LUZP2: variants seen among roughly 807,000 people sequenced by gnomAD.
LUZP2 encodes leucine zipper protein 2.
In LUZP2, 52 loss-of-function variants were observed where a neutral mutation model predicts 51.6. That is an observed-to-expected ratio of 1.01 (90% CI 0.81 to 1.27). LUZP2 has a LOEUF of 1.27. Among genes scored for constraint, LUZP2 ranks in the 50% most tolerant of loss-of-function variants. The pLI is 0.00. For missense variants in LUZP2, 436 were observed against 395.4 expected (o/e 1.10, Z -0.87); for synonymous variants, 154 against 137.3 (o/e 1.12, Z -0.85).
chr11:24,978,543 C>T (rs1855940880), intron 8 of LUZP2, among the ~76,000 whole-genome samples: 1 of 151,776 alleles, frequency 6.6e-6, no homozygotes, highest in Admixed American at 6.6e-5. Context: ...TTTGACTTCA[C>T]ATAATCCTTT....
At chr11:25,041,521 T>C (rs1054304098) in intron 9 of LUZP2, among the ~76,000 whole-genome samples, 9 of 152,302 alleles carry the variant, frequency 5.9e-5, no homozygotes, top group African/African-American at 2.2e-4. Flanking sequence ...TCTCATTCTG[T>C]TTTAAGACAA....
chr11:24,611,298 T>G lies in LUZP2; in HGVS notation c.62+113993T>G, dbSNP rs1488424451. On this transcript the variant is annotated intron_variant, in intron 1 of 11. Coordinates refer to ENST00000336930, the MANE Select transcript of LUZP2 (RefSeq NM_001009909.4). This position sits in a 1 kb window ranked among gnomAD's most constrained non-coding sequence, Gnocchi z 4.6. ...TAAGGGAGCAAAATAATAACAAAAA[T>G]GCTTCTACAGTCCATTATTCAAAAG... is the stretch of plus-strand genomic sequence containing the variant. Among the ~76,000 whole-genome samples the G allele has an allele frequency of 6.6e-6, 1 of 152,146 alleles. No individual in the cohort carries two copies. The highest frequency in any genetic ancestry group is 1.5e-5 in the Non-Finnish European group (1 of 68,016).
intron 1 of LUZP2, among the ~76,000 whole-genome samples, chr11:24,571,361 G>T (rs978169729): frequency 7.2e-6 from 1 of 139,656 alleles, no homozygotes; most frequent in Non-Finnish European, 1.6e-5. Context: ...TTTTCCTCTG[G>T]TGAATACATT....
At chr11:24,826,034 G>A (rs994775938) in intron 5 of LUZP2, among the ~76,000 whole-genome samples, 1 of 150,958 alleles carries the variant, frequency 6.6e-6, no homozygotes, top group Admixed American at 6.6e-5. Flanking sequence ...TTAGCTGGGC[G>A]CGGTGGCGGG....
At chr11:24,644,135 C>T (rs1239171277) in intron 1 of LUZP2, among the ~76,000 whole-genome samples, 1 of 152,162 alleles carries the variant, frequency 6.6e-6, no homozygotes, top group Non-Finnish European at 1.5e-5. Context: ...CTGCTGTCTT[C>T]CATTGAACGT....
chr11:24,538,859 A>T (rs974969198), intron 1 of LUZP2, among the ~76,000 whole-genome samples: 2 of 151,876 alleles, frequency 1.3e-5, no homozygotes, highest in Admixed American at 6.6e-5. Flanking sequence ...TTCAAAGGAC[A>T]TAACAATTTC....
At chr11:25,025,526 C>G (rs559793431) in intron 9 of LUZP2, among the ~76,000 whole-genome samples, 19 of 152,176 alleles carry the variant, frequency 1.2e-4, no homozygotes, top group South Asian at 4.1e-4. Context: ...ATTTATTCAC[C>G]CAACAGACAC....
chr11:24,910,826 G>A (rs143201641), intron 6 of LUZP2, among the ~76,000 whole-genome samples: 272 of 152,242 alleles, frequency 1.8e-3, no homozygotes, highest in Non-Finnish European at 3.2e-3. Context: ...GAGAGCCACC[G>A]TCCTCCAGAC....
intron 7 of LUZP2, among the ~76,000 whole-genome samples, chr11:24,926,243 GTA>G (rs1314392077): frequency 4.2e-5 from 6 of 143,432 alleles, no homozygotes; most frequent in African/African-American, 1.3e-4. Flanking sequence ...ATATGTGTGT[GTA>G]TATATATACG....
intron 1 of LUZP2, among the ~76,000 whole-genome samples, chr11:24,535,823 A>G (rs1421993222): frequency 1.3e-5 from 2 of 151,690 alleles, no homozygotes; most frequent in East Asian, 3.9e-4. Context: ...CAGAATGGTG[A>G]ATCCTTTCGA....
At chr11:24,813,306 C>T (rs1850075163) in intron 5 of LUZP2, among the ~76,000 whole-genome samples, 1 of 152,140 alleles carries the variant, frequency 6.6e-6, no homozygotes, top group Non-Finnish European at 1.5e-5. Flanking sequence ...GCTGTTGTTG[C>T]ATTGCTGTAA....
At chr11:24,604,968 C>T (rs1021400890) in intron 1 of LUZP2, among the ~76,000 whole-genome samples, 3 of 151,604 alleles carry the variant, frequency 2.0e-5, no homozygotes, top group Non-Finnish European at 4.4e-5. Context: ...TATAGAAATT[C>T]CATCATGATC....
chr11:24,806,695 A>G (rs12800427), intron 5 of LUZP2, among the ~76,000 whole-genome samples: 8,184 of 152,192 alleles, frequency 0.054, 291 homozygotes, highest in Middle Eastern at 0.085. Context: ...CCTGTTGATA[A>G]AGTTCTCCTG....
intron 9 of LUZP2, among the ~76,000 whole-genome samples, chr11:25,013,470 GC>G (rs1857038494): frequency 6.6e-6 from 1 of 152,038 alleles, no homozygotes; most frequent in African/African-American, 2.4e-5. Flanking sequence ...GCCTACACTA[GC>G]TTACCCATAT....
chr11:25,006,599 C>T (rs571574229), intron 9 of LUZP2, among the ~76,000 whole-genome samples: 1 of 152,290 alleles, frequency 6.6e-6, no homozygotes, highest in East Asian at 1.9e-4. Context: ...AACTGGCCAA[C>T]ATGTGCCCGG....
Position 24,515,933 on chromosome 11 carries a change from A to G in LUZP2, c.62+18628A>G, listed in dbSNP as rs115256135. On this transcript the variant is annotated intron_variant, in intron 1 of 11. Coordinates refer to ENST00000336930, the MANE Select transcript of LUZP2 (RefSeq NM_001009909.4). ...TGTCATGTTTTTTTTCTTTCTTATG[A>G]AAGTTCTCATTTATCCCTGATAAAT... Among the ~76,000 whole-genome samples the G allele has an allele frequency of 7.8e-3, 1,194 of 152,144 alleles. 10 individuals are homozygous for G. Among genetic ancestry groups the G allele is most frequent in the African/African-American group, 0.027 (1,126 of 41,528 alleles).
At chr11:24,620,332 C>CT (rs941116900) in intron 1 of LUZP2, among the ~76,000 whole-genome samples, 28 of 151,206 alleles carry the variant, frequency 1.9e-4, no homozygotes, top group Middle Eastern at 3.4e-3. Flanking sequence ...TTCAAATAAA[C>CT]TTTTTTTTTG....
At chr11:24,624,072 A>G (rs865996868) in intron 1 of LUZP2, among the ~76,000 whole-genome samples, 5 of 152,260 alleles carry the variant, frequency 3.3e-5, no homozygotes, top group Middle Eastern at 3.4e-3. Flanking sequence ...CATTAATCTT[A>G]AGAATAGCAA....
At chr11:24,875,184 G>C (rs1852206696) in intron 5 of LUZP2, among the ~76,000 whole-genome samples, 1 of 150,680 alleles carries the variant, frequency 6.6e-6, no homozygotes, top group Non-Finnish European at 1.5e-5. Flanking sequence ...CATGTGCCAT[G>C]CTGGTGTGCT....
Sources: allele counts gnomAD v4.1 joint callset (sites outside exome capture counted in the v4.1 genomes callset), GRCh38; gene constraint gnomAD v4.1.1; non-coding constraint Gnocchi (gnomAD v3.1); transcripts MANE v1.5; gene names NCBI Gene and HGNC (gene_info 2026-07-23, HGNC 2026-07-21).